The following ZNF334 variants were observed in gnomAD, a reference collection of about 807,000 sequenced individuals.
ZNF334 encodes zinc finger protein 334.
A neutral mutation model predicts 12.4 loss-of-function variants in ZNF334; 14 were observed. The observed-to-expected ratio is 1.13, with a 90% CI of 0.74 to 1.76. The LOEUF is 1.76. Among genes scored for constraint, ZNF334 ranks in the 40% most tolerant of loss-of-function variants. ZNF334 has a pLI of 0.00. For missense variants in ZNF334, 797 were observed against 804.5 expected (o/e 0.99, Z 0.11); for synonymous variants, 273 against 269.6 (o/e 1.01, Z -0.12).
At chr20:46,498,219 G>A (rs2061057074), downstream of ZNF334, among the ~76,000 whole-genome samples, 2 of 152,146 alleles carry the variant, frequency 1.3e-5, no homozygotes, top group Admixed American at 6.6e-5. Context: ...CTACCTCCTG[G>A]TACTCAGGCT....
chr20:46,497,136 T>C (rs548081281), downstream of ZNF334, among the ~76,000 whole-genome samples: 33 of 152,322 alleles, frequency 2.2e-4, no homozygotes, highest in African/African-American at 7.0e-4. Flanking sequence ...GGAATAGCTC[T>C]AGCTGCGGAA....
chr20:46,476,575 A>G, the ZNF334 span, among the ~76,000 whole-genome samples: 2 of 152,004 alleles, frequency 1.3e-5, no homozygotes, highest in Non-Finnish European at 2.9e-5. Context: ...CAATTATCTC[A>G]ATACAAATGT....
At chr20:46,492,051 G>T in the ZNF334 span, 729 of 152,036 alleles carry the variant, frequency 4.8e-3, 14 homozygotes, top group East Asian at 0.078. Flanking sequence ...CGACATCAGA[G>T]AACTCACAAT....
rs1180826416 is a variant in ZNF334 at position 46,501,628 on chromosome 20, GTC to G, written c.1709_1710del (p.Arg570ThrfsTer3). ...THHQRTHTGQ[R>X]PYECNECGKT... ...TTCCCACATTCATTACACTCATAGG[GTC>G]TCTGTCCTGTGTGTGTTCTCTGATG... On this transcript the variant is annotated frameshift_variant, in exon 5 of 5. Coordinates refer to ENST00000692313, the MANE Select transcript of ZNF334 (RefSeq NM_001353824.2). LOFTEE classifies it low-confidence loss of function (END_TRUNC). The G allele has an allele frequency of 1.9e-6, 3 of 1,614,010 alleles. No individual in the cohort carries two copies. Among genetic ancestry groups the G allele is most frequent in the Non-Finnish European group, 2.5e-6 (3 of 1,179,960 alleles).
At chr20:46,489,568 G>T in the ZNF334 span, among the ~76,000 whole-genome samples, 1 of 144,502 alleles carries the variant, frequency 6.9e-6, no homozygotes, top group East Asian at 2.1e-4. Context: ...TGAGGCAGGA[G>T]AATCACTTGA....
At chr20:46,464,729 C>G in the ZNF334 span, 1 of 480,138 alleles carries the variant, frequency 2.1e-6, no homozygotes, top group South Asian at 1.7e-5. Context: ...CTGATTCTCC[C>G]TTGGTCACTG....
intron 2 of ZNF334, among the ~76,000 whole-genome samples, chr20:46,510,693 G>A (rs1343167504): frequency 6.7e-6 from 1 of 149,604 alleles, no homozygotes; most frequent in Non-Finnish European, 1.5e-5. Flanking sequence ...GGGAGGCAGA[G>A]TTTGCAGTGA....
At chr20:46,462,476 G>A in the ZNF334 span, among the ~76,000 whole-genome samples, 1 of 152,180 alleles carries the variant, frequency 6.6e-6, no homozygotes, top group African/African-American at 2.4e-5. Flanking sequence ...AAGATCAGAA[G>A]TGGAATTACG....
the ZNF334 span, chr20:46,464,150 G>A: frequency 5.6e-6 from 3 of 537,970 alleles, no homozygotes; most frequent in Non-Finnish European, 1.1e-5. Flanking sequence ...TGGCCATCAG[G>A]GAATACCTGC....
Position 46,504,594 on chromosome 20 carries a change from T to C in ZNF334, c.148+20A>G. 1.3e-6 allele frequency: 2 copies of C among 1,576,820 alleles called. No individual in the cohort carries two copies. The highest frequency in any genetic ancestry group is 1.7e-6 in the Non-Finnish European group (2 of 1,167,472). On this transcript the variant is annotated intron_variant, in intron 3 of 4. Coordinates refer to ENST00000692313, the MANE Select transcript of ZNF334 (RefSeq NM_001353824.2). ...AAGAAATGTATGCTCTTGGGAGTTG[T>C]ACAGGGAAATAGTCCTTACCCACAG...
downstream of ZNF334, among the ~76,000 whole-genome samples, chr20:46,495,586 T>G (rs1162660291): frequency 6.6e-6 from 1 of 152,152 alleles, no homozygotes; most frequent in Non-Finnish European, 1.5e-5. Flanking sequence ...CCTTTTGACC[T>G]AAAACATATC....
chr20:46,487,461 A>T, the ZNF334 span, among the ~76,000 whole-genome samples: 1 of 152,178 alleles, frequency 6.6e-6, no homozygotes, highest in African/African-American at 2.4e-5. Context: ...GTTCTGGATG[A>T]GTATAATATT....
chr20:46,504,897 T>C (rs2061377860), intron 2 of ZNF334, 157 bp from the exon 3 acceptor site: 3 of 566,298 alleles, frequency 5.3e-6, no homozygotes, highest in East Asian at 3.2e-5. Flanking sequence ...ACTGTGTTCA[T>C]TTTTTAAAAT....
chr20:46,477,978 A>G, the ZNF334 span, among the ~76,000 whole-genome samples: 1,039 of 152,324 alleles, frequency 6.8e-3, 9 homozygotes, highest in African/African-American at 0.024. Flanking sequence ...TCATGTTTAA[A>G]ACAGACTATT....
Position 46,501,660 on chromosome 20 carries a change from G to C in ZNF334, c.1679C>G (p.Thr560Ser). The change falls in exon 5 of 5, where the codon ACT (threonine) becomes AGT (serine). Residue 560 changes from threonine (T) to serine (S), a missense_variant. Thr to Ser is a moderately conservative substitution (Grantham distance 58). Coordinates refer to ENST00000692313, the MANE Select transcript of ZNF334 (RefSeq NM_001353824.2). The part of the protein sequence containing the change: ...GRTYCRKSAL[T>S]HHQRTHTGQR... ...TCCTGTGTGTGTTCTCTGATGGTGA[G>C]TCAGGGCTGACTTCCTGCAGTAGGT... 6.2e-7 allele frequency: 1 copy of C among 1,614,066 alleles called. No homozygotes were observed.
chr20:46,503,934 A>C (rs1182002908), intron 4 of ZNF334, among the ~76,000 whole-genome samples: 1 of 152,250 alleles, frequency 6.6e-6, no homozygotes, highest in African/African-American at 2.4e-5. Context: ...GAGGCAACAA[A>C]GAATGCTACA....
At chr20:46,464,968 T>G in the ZNF334 span, 10 of 470,768 alleles carry the variant, frequency 2.1e-5, no homozygotes, top group Admixed American at 2.0e-4. Context: ...AGTGGCTTGC[T>G]GTGTTCACAT....
chr20:46,511,229 T>C (rs1228684862), intron 2 of ZNF334, among the ~76,000 whole-genome samples: 6 of 132,166 alleles, frequency 4.5e-5, no homozygotes, highest in African/African-American at 1.6e-4. Context: ...TCATCTCAAT[T>C]AAAAAAAAAA....
At chr20:46,504,184 G>A in intron 4 of ZNF334, 30 bp downstream of exon 4, 1 of 1,490,504 alleles carries the variant, frequency 6.7e-7, no homozygotes, top group Non-Finnish European at 9.2e-7. Flanking sequence ...ATTTCCATTG[G>A]TTCCACCTGC....
Sources: allele counts gnomAD v4.1 joint callset (sites outside exome capture counted in the v4.1 genomes callset), GRCh38; gene constraint gnomAD v4.1.1; transcripts MANE v1.5; gene names NCBI Gene and HGNC (gene_info 2026-07-23, HGNC 2026-07-21).